The following TIMELESS variants were observed in gnomAD, a reference collection of about 807,000 sequenced individuals.
TIMELESS encodes protein timeless homolog.
A neutral mutation model predicts 164.3 loss-of-function variants in TIMELESS; 124 were observed. That is an observed-to-expected ratio of 0.75 (90% confidence interval 0.65 to 0.88). The LOEUF is 0.88. TIMELESS is among the 40% of genes least tolerant of loss of function. The pLI is 0.00. For missense variants in TIMELESS, 1,422 were observed against 1,491.4 expected, an observed-to-expected ratio of 0.95 and a Z score of 0.77; for synonymous variants, 564 against 563.4, an observed-to-expected ratio of 1.00 and a Z score of -0.02.
At chr12:56,442,880 T>C (rs977496696) in intron 1 of TIMELESS, among the ~76,000 whole-genome samples, 3 of 152,198 alleles carry the variant, frequency 2.0e-5, no homozygotes, top group African/African-American at 7.2e-5. Flanking sequence ...CTGCAATCTG[T>C]GAACATAAAT....
chr12:56,422,095 A>G lies in TIMELESS; in HGVS notation c.2524+11T>C. On this transcript the variant is annotated intron_variant, in intron 20 of 28. Transcript: ENST00000553532. ...CTCCTCATAAACTCTCCAGATCCCAAGGCCTCTCACCTTCCACGTCCTTAT... is the reference window on the plus strand; with the variant it reads ...CTCCTCATAAACTCTCCAGATCCCAGGGCCTCTCACCTTCCACGTCCTTAT... The G allele has an allele frequency of 6.2e-7, 1 of 1,614,064 alleles. No homozygotes were observed. The highest frequency in any genetic ancestry group is 8.5e-7 in the Non-Finnish European group (1 of 1,179,956).
At position 56,423,586 on chromosome 12, in the gene TIMELESS, T is replaced by C. The variant is rs1439108408; in HGVS notation, c.2088A>G (p.Lys696=). ...EKEFNFLDYL[K]RFACSTVVRA... ...AACTCAGGCCTCTCAGCCCGCACCG[T>C]TTCAGGTAGTCCAGAAAATTAAATT... Residue 696 remains lysine, a splice_region_variant and synonymous_variant, in exon 17 of 29, where the codon AAA becomes AAG. Transcript: ENST00000553532. 1 of 1,614,120 alleles carries C rather than the reference T, an allele frequency of 6.2e-7. No individual in the cohort carries two copies. Among genetic ancestry groups the C allele is most frequent in the Non-Finnish European group, 8.5e-7 (1 of 1,180,004 alleles).
At chr12:56,435,126 C>T (rs950491924) in intron 1 of TIMELESS, among the ~76,000 whole-genome samples, 14 of 152,098 alleles carry the variant, frequency 9.2e-5, no homozygotes, top group Non-Finnish European at 7.4e-5. Context: ...TTAAAAAAAC[C>T]GAGCTCTGGC....
At chr12:56,433,705 C>A (rs142670013) in intron 3 of TIMELESS, 53 bp from the exon 4 acceptor site, 1 of 1,613,572 alleles carries the variant, frequency 6.2e-7, no homozygotes, top group African/African-American at 1.3e-5. Flanking sequence ...CCAGCTCAAA[C>A]GCCAAACCTA....
intron 1 of TIMELESS, among the ~76,000 whole-genome samples, chr12:56,447,074 A>G (rs774221657): frequency 4.0e-5 from 6 of 150,880 alleles, no homozygotes; most frequent in Non-Finnish European, 7.4e-5. Flanking sequence ...CAATGGTGCA[A>G]TCTCGGCTCA....
chr12:56,421,569 A>G (rs1018703184), intron 22 of TIMELESS, 76 bp from the exon 23 acceptor site: 3 of 1,556,956 alleles, frequency 1.9e-6, no homozygotes, highest in Non-Finnish European at 2.6e-6. Context: ...GGTCTCTGGA[A>G]AGAGGGTACC....
intron 1 of TIMELESS, among the ~76,000 whole-genome samples, chr12:56,436,355 G>A (rs1241271213): frequency 6.6e-6 from 1 of 152,120 alleles, no homozygotes; most frequent in Non-Finnish European, 1.5e-5. Flanking sequence ...TTGGGAGGCT[G>A]AGGCAGGAGA....
chr12:56,423,127 C>T, intron 18 of TIMELESS, 135 bp from the exon 19 acceptor site: 2 of 1,383,876 alleles, frequency 1.4e-6, no homozygotes, highest in Non-Finnish European at 2.0e-6. Context: ...CTCCATGCAG[C>T]TCCCTCAACC....
chr12:56,435,603 A>C (rs1043158734), intron 1 of TIMELESS, among the ~76,000 whole-genome samples: 1 of 152,204 alleles, frequency 6.6e-6, no homozygotes, highest in African/African-American at 2.4e-5. Context: ...ACCTAAGGTC[A>C]GGAGTTCGAG....
chr12:56,438,969 G>T (rs1024071299), intron 1 of TIMELESS, among the ~76,000 whole-genome samples: 1 of 150,968 alleles, frequency 6.6e-6, no homozygotes, highest in South Asian at 2.1e-4. Flanking sequence ...GTTGAGACCA[G>T]CCTGGCCAAC....
chr12:56,421,154 G>A lies in TIMELESS; in HGVS notation c.2869-20C>T, dbSNP rs745718501. ...ATTTGGCTAAAATTCATTGGGGGTT[G>A]GGGGAATGAAAATGAAGGCAACACA... On this transcript the variant is annotated intron_variant, in intron 23 of 28. Transcript: ENST00000553532. 7 of 1,613,296 alleles carry A rather than the reference G, an allele frequency of 4.3e-6. No homozygotes were observed. In the South Asian group the frequency reaches 7.7e-5, roughly 18 times the overall value.
chr12:56,443,558 T>C (rs1420105276), intron 1 of TIMELESS, among the ~76,000 whole-genome samples: 1 of 152,190 alleles, frequency 6.6e-6, no homozygotes, highest in Non-Finnish European at 1.5e-5. Flanking sequence ...GCTCTGCCCT[T>C]TTGCCTTGTG....
Position 56,433,017 on chromosome 12 carries a change from G to T in TIMELESS, c.531+9C>A. The T allele has an allele frequency of 2.0e-6, 3 of 1,477,392 alleles. No individual in the cohort carries two copies. Among genetic ancestry groups the T allele is most frequent in the Non-Finnish European group, 2.8e-6 (3 of 1,066,618 alleles). The allele number at this position is 1,477,392 out of a possible 1,614,324, so 91.5% of individuals were successfully genotyped here. ...ATGCACAAGAACACAGAACACCCAAGACCCTCACCTTCTCCTGATCAAGGT... is the reference window on the plus strand; with the variant it reads ...ATGCACAAGAACACAGAACACCCAATACCCTCACCTTCTCCTGATCAAGGT... On this transcript the variant is annotated intron_variant, in intron 6 of 28. Coordinates refer to ENST00000553532, the MANE Select transcript of TIMELESS (RefSeq NM_003920.5).
chr12:56,432,576 C>A (rs1424697192), intron 6 of TIMELESS, 52 bp from the exon 7 acceptor site: 1 of 1,590,096 alleles, frequency 6.3e-7, no homozygotes, highest in South Asian at 1.1e-5. Context: ...TCCCACTGCC[C>A]TGCCTTGAAG....
chr12:56,436,562 T>C (rs955119567), intron 1 of TIMELESS, among the ~76,000 whole-genome samples: 1 of 152,198 alleles, frequency 6.6e-6, no homozygotes, highest in Admixed American at 6.5e-5. Flanking sequence ...GTGTGATTGA[T>C]GCTATGCCAG....
At chr12:56,447,346 G>A (rs17118651) in intron 1 of TIMELESS, among the ~76,000 whole-genome samples, 5,122 of 152,068 alleles carry the variant, frequency 0.034, 286 homozygotes, top group African/African-American at 0.12. Context: ...TTAACTGCAC[G>A]AAAACGTAAA....
At position 56,423,321 on chromosome 12, in the gene TIMELESS, A is replaced by G. The variant is rs1221161995; in HGVS notation, c.2245T>C (p.Cys749Arg). 6.2e-7 allele frequency: 1 copy of G among 1,614,082 alleles called. No homozygotes were observed. Among genetic ancestry groups the G allele is most frequent in the African/African-American group, 1.3e-5 (1 of 74,932 alleles). ...EALLFQLSVF[C>R]LFNRLLSDPA... is the part of the protein sequence containing the mutation. ...TCACTAAGCAGACGATTGAAGAGGCAGAAGACTGACAGCTGAAAAAGTAGG... is the reference window on the plus strand; with the variant it reads ...TCACTAAGCAGACGATTGAAGAGGCGGAAGACTGACAGCTGAAAAAGTAGG... The change falls in exon 18 of 29, where the codon TGC becomes CGC. Residue 749 changes from cysteine (C) to arginine (R), a missense_variant. Transcript: ENST00000553532.
At chr12:56,441,812 G>A (rs923194027) in intron 1 of TIMELESS, among the ~76,000 whole-genome samples, 2 of 152,050 alleles carry the variant, frequency 1.3e-5, no homozygotes, top group Non-Finnish European at 2.9e-5. Context: ...GGCCAGGCGC[G>A]GTGGCTCACG....
chr12:56,421,476 T>C lies in TIMELESS; in HGVS notation c.2743A>G (p.Met915Val), dbSNP rs1219808888. Residue 915 changes from methionine (M) to valine (V), a missense_variant, in exon 23 of 29, where the codon ATG becomes GTG. Physicochemically the swap from Met to Val is conservative, Grantham distance 21. Transcript: ENST00000553532. ...RDSDDVLGHI[M>V]KNITAKRSRA... ...GAGCGTTTGGCTGTGATATTCTTCA[T>C]GATATGACCCAGGACATCTATAAAA... 6 of 1,613,690 alleles carry C rather than the reference T, an allele frequency of 3.7e-6. No homozygotes were observed. The highest frequency in any genetic ancestry group is 3.3e-5 in the South Asian group (3 of 91,054).
Sources: allele counts gnomAD v4.1 joint callset (sites outside exome capture counted in the v4.1 genomes callset), GRCh38; gene constraint gnomAD v4.1.1; transcripts MANE v1.5; gene names NCBI Gene and HGNC (gene_info 2026-07-23, HGNC 2026-07-21).